Variants in KRAS observed in about 807,000 individuals in gnomAD.
The protein encoded by KRAS is GTPase KRas.
Under a neutral mutation model 21.0 loss-of-function variants are expected in KRAS, and 1 was observed. The ratio of observed to expected loss-of-function variants is 0.05; its 90% confidence interval spans 0.02 to 0.23. The LOEUF (loss-of-function observed/expected upper bound fraction) is 0.23. Ranked by LOEUF, KRAS falls within the 10% of genes least tolerant of loss-of-function variation. The probability of loss-of-function intolerance (pLI) is 1.00; values close to 1 mark genes in which losing one functional copy is unlikely to be tolerated. For synonymous variants in KRAS, 67 were observed against 72.5 expected (o/e 0.92, Z 0.39); for missense variants, 107 against 221.8 (o/e 0.48, Z 3.29).
At chr12:25,220,890 T>C (rs1217310095) in intron 4 of KRAS, among the ~76,000 whole-genome samples, 2 of 151,696 alleles carry the variant, frequency 1.3e-5, no homozygotes, top group African/African-American at 2.4e-5. Context: ...TCAGGTGTGG[T>C]GGTGCGTGCC....
At chr12:25,234,714 T>A (rs1319079230) in intron 2 of KRAS, 2 of 189,162 alleles carry the variant, frequency 1.1e-5, no homozygotes, top group Non-Finnish European at 2.2e-5. Flanking sequence ...TCATTCAAGA[T>A]AAGATAACCT....
intron 1 of KRAS, among the ~76,000 whole-genome samples, chr12:25,246,682 CGAG>C (rs1182652898): frequency 1.3e-5 from 2 of 151,962 alleles, no homozygotes; most frequent in Non-Finnish European, 2.9e-5. Context: ...TTTGGGAGGC[CGAG>C]GAGGGTGGAT....
intron 2 of KRAS, chr12:25,235,039 C>T: frequency 2.7e-6 from 1 of 366,926 alleles, no homozygotes; most frequent in Non-Finnish European, 5.0e-6. Context: ...CTGTCATAAG[C>T]ATATTACAAA....
At chr12:25,244,866 T>TA (rs1055976699) in intron 2 of KRAS, among the ~76,000 whole-genome samples, 9 of 152,218 alleles carry the variant, frequency 5.9e-5, no homozygotes, top group African/African-American at 1.9e-4. Flanking sequence ...TGATGAAGTT[T>TA]AAAAAAATCA....
chr12:25,248,099 G>A (rs960274178), intron 1 of KRAS, among the ~76,000 whole-genome samples: 2 of 151,698 alleles, frequency 1.3e-5, no homozygotes, highest in South Asian at 2.1e-4. Flanking sequence ...GGCCTCAAGC[G>A]ATCCTCCCGC....
intron 1 of KRAS, among the ~76,000 whole-genome samples, chr12:25,248,272 C>A (rs942447507): frequency 1.3e-5 from 2 of 151,980 alleles, no homozygotes; most frequent in African/African-American, 4.8e-5. Context: ...ACCAGCCTGG[C>A]CAACATGGTG....
At chr12:25,246,147 C>CA (rs35617676) in intron 1 of KRAS, among the ~76,000 whole-genome samples, 12,729 of 83,938 alleles carry the variant, frequency 0.15, 886 homozygotes, top group Non-Finnish European at 0.18. Context: ...GACTCCGTCT[C>CA]AAAAAAAAAA....
chr12:25,224,232 T>C (rs1434987258), intron 4 of KRAS, among the ~76,000 whole-genome samples: 1 of 130,908 alleles, frequency 7.6e-6, no homozygotes, highest in Non-Finnish European at 1.6e-5. Context: ...CAGCCTTGGA[T>C]AGGTCCTTCA....
At chr12:25,213,151 G>A (rs1214156023) in intron 4 of KRAS, among the ~76,000 whole-genome samples, 2 of 151,986 alleles carry the variant, frequency 1.3e-5, no homozygotes, top group Admixed American at 1.3e-4. Context: ...ACTTCCACGT[G>A]TACTGAAAAA....
intron 2 of KRAS, among the ~76,000 whole-genome samples, chr12:25,239,261 T>C (rs1171959355): frequency 6.6e-6 from 1 of 152,216 alleles, no homozygotes; most frequent in Non-Finnish European, 1.5e-5. Flanking sequence ...ATATATAAGA[T>C]AGCTTCCTGT....
At chr12:25,238,020 G>A (rs1951564542) in intron 2 of KRAS, among the ~76,000 whole-genome samples, 1 of 152,172 alleles carries the variant, frequency 6.6e-6, no homozygotes. Flanking sequence ...TTTGATTAGG[G>A]AGTGAAGATG....
intron 2 of KRAS, among the ~76,000 whole-genome samples, chr12:25,239,731 G>A (rs1951588074): frequency 6.6e-6 from 1 of 152,126 alleles, no homozygotes; most frequent in Admixed American, 6.6e-5. Context: ...GAGGCGGGCA[G>A]ATCACGAGGT....
Position 25,228,911 on chromosome 12 carries a change from T to C in KRAS, c.112-1499A>G, listed in dbSNP as rs77460055. Reference sequence around the variant, plus strand: ...CCATCTCTATTAAAATACAAAATATTAGCCGGGCGTGGTGGCGGGCGCCTG... The same window carrying C: ...CCATCTCTATTAAAATACAAAATATCAGCCGGGCGTGGTGGCGGGCGCCTG... On this transcript the variant is annotated intron_variant, in intron 2 of 4. Transcript: ENST00000311936. Among the ~76,000 whole-genome samples, 533 of 152,126 alleles carry C rather than the reference T, an allele frequency of 3.5e-3. 8 individuals are homozygous for C. The highest frequency in any genetic ancestry group is 0.012 in the African/African-American group (510 of 41,522).
chr12:25,209,442 G>A lies in KRAS; in HGVS notation c.*353C>T, dbSNP rs1004383897. On this transcript the variant is annotated 3_prime_UTR_variant, in exon 5 of 5. Transcript: ENST00000311936. ...TGTGACTAGATAAAACACAGAATAG[G>A]GATGATTCAAAAGCTTCATTAATTT... is the stretch of plus-strand genomic sequence containing the variant. The A allele has an allele frequency of 2.9e-5, 31 of 1,082,300 alleles. No homozygotes were observed. The highest frequency in any genetic ancestry group is 3.4e-5 in the Non-Finnish European group (28 of 821,686). 67.0% of individuals were successfully genotyped at this position (1,082,300 alleles called of 1,614,324 possible).
At chr12:25,223,251 G>A (rs983656472) in intron 4 of KRAS, among the ~76,000 whole-genome samples, 1 of 152,042 alleles carries the variant, frequency 6.6e-6, no homozygotes, top group Non-Finnish European at 1.5e-5. Context: ...GTAGAATCTA[G>A]GTAGTATATT....
rs767172242 is a variant in KRAS at position 25,235,230 on chromosome 12, T to A, written c.112-7818A>T. The A allele has an allele frequency of 1.2e-5, 7 of 565,472 alleles. No homozygotes were observed. In the South Asian group the frequency reaches 1.5e-4, roughly 12 times the overall value. The allele number at this position is 565,472 out of a possible 1,614,324, so 35.0% of individuals were successfully genotyped here. The stretch of plus-strand genomic sequence containing the variant: ...TTTACATACTGCTTAATAACACCTG[T>A]AGGAAAAGATGAGAAACTTTTACTC... On this transcript the variant is annotated intron_variant, in intron 2 of 4. Coordinates refer to ENST00000311936, the MANE Select transcript of KRAS (RefSeq NM_004985.5).
In KRAS at chr12:25,207,992, T is replaced by A. The variant is rs1246589061; in HGVS notation, c.*1803A>T. 1 of 233,088 alleles carries A rather than the reference T, an allele frequency of 4.3e-6. No individual in the cohort carries two copies. The highest frequency in any genetic ancestry group is 2.2e-5 in the African/African-American group (1 of 45,338). 14.4% of individuals were successfully genotyped at this position (233,088 alleles called of 1,614,324 possible). A position where few individuals can be genotyped will look rare whatever the true frequency, so the allele number is the denominator to read the frequency against. On this transcript the variant is annotated 3_prime_UTR_variant, in exon 5 of 5. Coordinates refer to ENST00000311936, the MANE Select transcript of KRAS (RefSeq NM_004985.5). ...GTAGGGAGGCAAGATGACACTAATA[T>A]GGAAGAAGAGTCCTAAAACGAGAAT...
rs1951377922 is a variant in KRAS at position 25,225,307 on chromosome 12, T to C, written c.450+307A>G. On this transcript the variant is annotated intron_variant, in intron 4 of 4. Transcript: ENST00000311936. Reference sequence around the variant, plus strand: ...TTCTTTATATATATATATATATATATATATATATATATATATATATATATA... The same window carrying C: ...TTCTTTATATATATATATATATATACATATATATATATATATATATATATA... The C allele has an allele frequency of 8.8e-5, 2 of 22,702 alleles. 1 individual carries two copies. Among genetic ancestry groups the C allele is most frequent in the South Asian group, 6.7e-3 (2 of 298 alleles). The allele number at this position is 22,702 out of a possible 1,614,324, so 1.4% of individuals were successfully genotyped here. A position where few individuals can be genotyped will look rare whatever the true frequency, so the allele number is the denominator to read the frequency against.
chr12:25,232,250 T>C (rs1396869661), intron 2 of KRAS, among the ~76,000 whole-genome samples: 3 of 152,194 alleles, frequency 2.0e-5, no homozygotes, highest in Admixed American at 6.5e-5. Context: ...AGGCCAAATC[T>C]TGCCCACTGT....
Sources: gnomAD v4.1 joint callset for allele counts (sites outside exome capture counted in the v4.1 genomes callset) on GRCh38, gnomAD v4.1.1 for gene constraint, MANE v1.5 for transcripts, NCBI Gene and HGNC (gene_info 2026-07-23, HGNC 2026-07-21) for gene names.